Variants in IKZF3 observed in about 807,000 individuals in gnomAD.
IKZF3 encodes zinc finger protein Aiolos.
IKZF3 carries 10 observed loss-of-function variants against 49.0 expected under a neutral mutation model. The ratio of observed to expected loss-of-function variants is 0.20; its 90% CI spans 0.13 to 0.35. The LOEUF (loss-of-function observed/expected upper bound fraction) is 0.35, where lower values mean the gene tolerates loss of function less well. Ranked by LOEUF, IKZF3 falls within the 10% of genes least tolerant of loss-of-function variation. The pLI is 1.00. For synonymous variants in IKZF3, 209 were observed against 228.2 expected, an observed-to-expected ratio of 0.92 and a Z score of 0.76; for missense variants, 498 against 664.8, an observed-to-expected ratio of 0.75 and a Z score of 2.76.
At chr17:39,829,526 G>T in intron 2 of IKZF3, 38 bp from the exon 3 acceptor site, 2 of 1,421,946 alleles carry the variant, frequency 1.4e-6, no homozygotes, top group Non-Finnish European at 9.9e-7. Flanking sequence ...GTGGTTCAAC[G>T]TTAAAGGATT....
At chr17:39,861,455 C>A (rs1427018293) in intron 1 of IKZF3, among the ~76,000 whole-genome samples, 1 of 152,128 alleles carries the variant, frequency 6.6e-6, no homozygotes, top group Non-Finnish European at 1.5e-5. Context: ...GACATGGAAG[C>A]ATGAAATAGC....
chr17:39,864,264 G>C lies in IKZF3; in HGVS notation c.-138C>G, dbSNP rs1485553585. ...TCCCCGGGATCCGGCAGCCGCGTCGGCGCAGACTGAAAAGGGCAGGAGCCG... is the reference window on the plus strand; with the variant it reads ...TCCCCGGGATCCGGCAGCCGCGTCGCCGCAGACTGAAAAGGGCAGGAGCCG... On this transcript the variant is annotated 5_prime_UTR_variant, in exon 1 of 8. Coordinates refer to ENST00000346872, the MANE Select transcript of IKZF3 (RefSeq NM_012481.5). 1.7e-5 allele frequency: 17 copies of C among 993,324 alleles called. No individual in the cohort carries two copies. Among genetic ancestry groups the C allele is most frequent in the Non-Finnish European group, 2.4e-5 (16 of 678,092 alleles). The allele number at this position is 993,324 out of a possible 1,614,324, so 61.5% of individuals were successfully genotyped here. A position where few individuals can be genotyped will look rare whatever the true frequency, so the allele number is the denominator to read the frequency against.
intron 3 of IKZF3, among the ~76,000 whole-genome samples, chr17:39,799,553 A>C (rs1001929404): frequency 5.3e-5 from 8 of 152,200 alleles, no homozygotes; most frequent in Non-Finnish European, 8.8e-5. Context: ...TTGGATAAGC[A>C]GTTCTGCAAC....
rs114554780 is a variant in IKZF3 at position 39,765,728 on chromosome 17, C to T, written c.*62G>A. 3.1e-5 allele frequency: 39 copies of T among 1,265,134 alleles called. No individual in the cohort carries two copies. The highest frequency in any genetic ancestry group is 2.8e-4 in the South Asian group (20 of 71,480). 78.4% of individuals were successfully genotyped at this position (1,265,134 alleles called of 1,614,324 possible). On this transcript the variant is annotated 3_prime_UTR_variant, in exon 8 of 8. Coordinates refer to ENST00000346872, the MANE Select transcript of IKZF3 (RefSeq NM_012481.5). ...TATGTTTTGAGAGCAATCTGTTAGG[C>T]GAGGTCATTGGTTTTTAGAAACGAT...
intron 3 of IKZF3, among the ~76,000 whole-genome samples, chr17:39,821,688 C>T (rs1018987767): frequency 1.3e-5 from 2 of 152,106 alleles, no homozygotes; most frequent in African/African-American, 2.4e-5. Context: ...GCCTGAACTT[C>T]GGATGCTAGA....
At position 39,765,470 on chromosome 17, in the gene IKZF3, G is replaced by A. The variant is rs534496858; in HGVS notation, c.*320C>T. The stretch of plus-strand genomic sequence containing the variant: ...GTGGTTGATATATCTCAGAAAGAAT[G>A]TTTCATATAGCACATCTCCGGGACC... On this transcript the variant is annotated 3_prime_UTR_variant, in exon 8 of 8. Coordinates refer to ENST00000346872, the MANE Select transcript of IKZF3 (RefSeq NM_012481.5). 2.4e-4 allele frequency: 52 copies of A among 217,894 alleles called. No individual in the cohort carries two copies. The highest frequency in any genetic ancestry group is 1.1e-3 in the Admixed American group (21 of 19,258). 13.5% of individuals were successfully genotyped at this position (217,894 alleles called of 1,614,324 possible).
Position 39,864,299 on chromosome 17 carries a change from C to A in IKZF3, c.-173G>T, listed in dbSNP as rs544226910. 130 of 663,648 alleles carry A rather than the reference C, an allele frequency of 2.0e-4. No individual in the cohort carries two copies. The highest frequency in any genetic ancestry group is 8.8e-4 in the Admixed American group (24 of 27,228). The allele number at this position is 663,648 out of a possible 1,614,324, so 41.1% of individuals were successfully genotyped here. A position where few individuals can be genotyped will look rare whatever the true frequency, so the allele number is the denominator to read the frequency against. Reference sequence around the variant, plus strand: ...AAAAGGGCAGGAGCCGGCGACCTGCCGGTGCGCGGGGTTACAGCGGCGCTG... The same window carrying A: ...AAAAGGGCAGGAGCCGGCGACCTGCAGGTGCGCGGGGTTACAGCGGCGCTG... On this transcript the variant is annotated 5_prime_UTR_variant, in exon 1 of 8. Transcript: ENST00000346872.
chr17:39,839,411 G>A (rs532188368), intron 1 of IKZF3: 48 of 601,202 alleles, frequency 8.0e-5, no homozygotes, highest in African/African-American at 7.1e-4. Flanking sequence ...TCCTTTTGGA[G>A]TTGTACCTGA....
chr17:39,770,934 T>TCCCA (rs2060423594), intron 7 of IKZF3, among the ~76,000 whole-genome samples: 1 of 152,020 alleles, frequency 6.6e-6, no homozygotes, highest in Non-Finnish European at 1.5e-5. Context: ...GCCTCCCAAG[T>TCCCA]GTCTGGGACT....
At position 39,758,631 on chromosome 17, in the gene IKZF3, G is replaced by A. The variant is rs183906961; in HGVS notation, c.*7159C>T. 2 of 151,870 alleles carry A rather than the reference G, an allele frequency of 1.3e-5. No individual in the cohort carries two copies. Among genetic ancestry groups the A allele is most frequent in the African/African-American group, 4.8e-5 (2 of 41,354 alleles). The allele number at this position is 151,870 out of a possible 1,614,324, so 9.4% of individuals were successfully genotyped here. On this transcript the variant is annotated 3_prime_UTR_variant, in exon 8 of 8. Transcript: ENST00000346872. ...AATAACTCAAGTTTTGGAGCAGCGG[G>A]GGGTGGGGTACTAATGGCTGAGGAC...
intron 1 of IKZF3, among the ~76,000 whole-genome samples, chr17:39,833,387 A>C (rs1421350063): frequency 6.6e-6 from 1 of 152,116 alleles, no homozygotes; most frequent in Non-Finnish European, 1.5e-5. Flanking sequence ...CATCCCAGAA[A>C]AGCTCCCTCA....
intron 3 of IKZF3, among the ~76,000 whole-genome samples, chr17:39,824,106 C>G (rs1274911000): frequency 6.6e-6 from 1 of 152,242 alleles, no homozygotes; most frequent in African/African-American, 2.4e-5. Context: ...TGCAAAGCCA[C>G]AGGGGCGGAG....
chr17:39,836,602 G>T (rs2062291361), intron 1 of IKZF3, among the ~76,000 whole-genome samples: 1 of 152,158 alleles, frequency 6.6e-6, no homozygotes, highest in South Asian at 2.1e-4. Context: ...TTGTTTAGTT[G>T]CTGAAAAAGG....
At chr17:39,829,318 T>A (rs1005743025) in intron 3 of IKZF3, 69 bp downstream of exon 3, 10 of 1,071,214 alleles carry the variant, frequency 9.3e-6, no homozygotes, top group South Asian at 1.4e-5. Context: ...GGAGAGCTGA[T>A]TTCTTCTCTA....
intron 5 of IKZF3, among the ~76,000 whole-genome samples, chr17:39,789,133 A>C (rs2060946215): frequency 6.6e-6 from 1 of 152,148 alleles, no homozygotes; most frequent in South Asian, 2.1e-4. Context: ...TTTTTGAATA[A>C]TAGAAATAAA....
intron 3 of IKZF3, among the ~76,000 whole-genome samples, chr17:39,807,544 A>ATTTTTTTTTTT (rs890371023): frequency 1.9e-4 from 15 of 80,788 alleles, no homozygotes; most frequent in African/African-American, 2.1e-4. Context: ...GACTATTTAA[A>ATTTTTTTTTTT]TTTTTTTTTT....
intron 3 of IKZF3, among the ~76,000 whole-genome samples, chr17:39,820,405 TG>T (rs2061778101): frequency 6.6e-6 from 1 of 152,198 alleles, no homozygotes; most frequent in African/African-American, 2.4e-5. Flanking sequence ...CAAAAAAGCC[TG>T]GAAGTAAGTA....
At chr17:39,820,700 G>A (rs575713083) in intron 3 of IKZF3, among the ~76,000 whole-genome samples, 13 of 152,140 alleles carry the variant, frequency 8.5e-5, no homozygotes, top group African/African-American at 2.7e-4. Flanking sequence ...TATTCATAAC[G>A]AGCCCCTTTC....
rs970429120 is a variant in IKZF3 at position 39,757,940 on chromosome 17, G to A, written c.*7850C>T. ...AACTCCATAGGAGTGACGAGGGAAAGTCACCACTGGGCAGGGAGGGCATTT... is the reference window on the plus strand; with the variant it reads ...AACTCCATAGGAGTGACGAGGGAAAATCACCACTGGGCAGGGAGGGCATTT... On this transcript the variant is annotated 3_prime_UTR_variant, in exon 8 of 8. Coordinates refer to ENST00000346872, the MANE Select transcript of IKZF3 (RefSeq NM_012481.5). 3 of 152,216 alleles carry A rather than the reference G, an allele frequency of 2.0e-5. No individual in the cohort carries two copies. The highest frequency in any genetic ancestry group is 4.8e-5 in the African/African-American group (2 of 41,440). 9.4% of individuals were successfully genotyped at this position (152,216 alleles called of 1,614,324 possible).
Sources: gnomAD v4.1 joint callset for allele counts (sites outside exome capture counted in the v4.1 genomes callset) on GRCh38, gnomAD v4.1.1 for gene constraint, MANE v1.5 for transcripts, NCBI Gene and HGNC (gene_info 2026-07-23, HGNC 2026-07-21) for gene names.